FBXL18: variants seen among roughly 807,000 people sequenced by gnomAD.
FBXL18 encodes F-box and leucine rich repeat protein 18, also known as F-box/LRR-repeat protein 18.
FBXL18 carries 36 observed loss-of-function variants against 46.0 expected under a neutral mutation model. The ratio of observed to expected loss-of-function variants is 0.78; its 90% CI spans 0.60 to 1.03. The LOEUF is 1.03. Among genes scored for constraint, FBXL18 ranks in the 50% least tolerant of loss-of-function variants. The pLI is 0.00. For synonymous variants in FBXL18, 557 were observed against 465.3 expected, an observed-to-expected ratio of 1.20 and a Z score of -2.54; for missense variants, 977 against 1,004.1, an observed-to-expected ratio of 0.97 and a Z score of 0.36.
chr7:5,466,054 G>A (rs1783336033), intron 4 of FBXL18, among the ~76,000 whole-genome samples: 1 of 151,980 alleles, frequency 6.6e-6, no homozygotes, highest in South Asian at 2.1e-4. Context: ...CTAACCTCAG[G>A]TGATCTGCCT....
chr7:5,483,080 C>T (rs1255420064), intron 4 of FBXL18, among the ~76,000 whole-genome samples: 16 of 150,968 alleles, frequency 1.1e-4, no homozygotes, highest in Non-Finnish European at 1.9e-4. Flanking sequence ...AATACAAAGA[C>T]GACCCAAGTG....
At chr7:5,485,219 G>A (rs1469153195) in intron 4 of FBXL18, among the ~76,000 whole-genome samples, 2 of 152,200 alleles carry the variant, frequency 1.3e-5, no homozygotes, top group African/African-American at 4.8e-5. Context: ...GGTGATGTGA[G>A]AAGGTGCCAC....
Position 5,496,199 on chromosome 7 carries a change from G to C in FBXL18, c.1781+4289C>G, listed in dbSNP as rs1195255417. ...CTTCATCCATTAAGTGGGTACAACT[G>C]TGTCGACACTCAGAGGTTGTTGAGA... On this transcript the variant is annotated intron_variant, in intron 3 of 4. Coordinates refer to ENST00000382368, the MANE Select transcript of FBXL18 (RefSeq NM_024963.6). This position sits in a 1 kb window ranked among gnomAD's most constrained non-coding sequence, Gnocchi z 4.8. 6.6e-6 allele frequency among the ~76,000 whole-genome samples: 1 copy of C among 152,152 alleles called. No individual in the cohort carries two copies. The highest frequency in any genetic ancestry group is 1.5e-5 in the Non-Finnish European group (1 of 68,036).
Position 5,477,293 on chromosome 7 carries a change from A to G in FBXL18, c.*4482T>C, listed in dbSNP as rs1783538663. On this transcript the variant is annotated 3_prime_UTR_variant, in exon 5 of 5. Transcript: ENST00000382368. The surrounding 1 kb of genome is among the most constrained non-coding windows in gnomAD (Gnocchi z 4.4). ...GTGGTCAAGGCTACCAGGAACTGGC[A>G]GCAGCGCTCTGCCCACGTCCACAGG... Among the ~76,000 whole-genome samples, 1 of 152,190 alleles carries G rather than the reference A, an allele frequency of 6.6e-6. No individual in the cohort carries two copies. The highest frequency in any genetic ancestry group is 1.5e-5 in the Non-Finnish European group (1 of 68,040).
intron 4 of FBXL18, chr7:5,489,715 C>G (rs1473110278): frequency 8.8e-6 from 2 of 227,650 alleles, no homozygotes; most frequent in Non-Finnish European, 1.8e-5. Context: ...GGAGGCAGAG[C>G]TTGCAGCGAG....
At chr7:5,491,631 T>TC (rs1783929509) in intron 3 of FBXL18, among the ~76,000 whole-genome samples, 182 bp from the exon 4 acceptor site, 1 of 152,040 alleles carries the variant, frequency 6.6e-6, no homozygotes, top group African/African-American at 2.4e-5. Context: ...GCCCCCAGGG[T>TC]CCCCCTTGGA....
intron 1 of FBXL18, among the ~76,000 whole-genome samples, chr7:5,511,815 CTCCTACCTAGAA>C (rs1352154312): frequency 3.3e-5 from 5 of 150,998 alleles, no homozygotes; most frequent in African/African-American, 4.9e-5. Flanking sequence ...CAAAAAACAT[CTCCTACCTAGAA>C]CCCTAACCTG....
intron 1 of FBXL18, among the ~76,000 whole-genome samples, chr7:5,505,872 C>A (rs1005065121): frequency 6.6e-6 from 1 of 152,194 alleles, no homozygotes; most frequent in Non-Finnish European, 1.5e-5. Context: ...GTGTTTATTT[C>A]TTTTGTTGTG....
At chr7:5,490,246 C>G in intron 4 of FBXL18, 1 of 1,295,460 alleles carries the variant, frequency 7.7e-7, no homozygotes, top group Non-Finnish European at 1.0e-6. Context: ...GCGTTCATGT[C>G]CTGCTGCCCC....
downstream of FBXL18, among the ~76,000 whole-genome samples, chr7:5,472,142 T>C (rs1042098374): frequency 6.6e-6 from 1 of 152,022 alleles, no homozygotes; most frequent in African/African-American, 2.4e-5. Context: ...AAAACACAAG[T>C]TCCCCCAGAC....
intron 3 of FBXL18, among the ~76,000 whole-genome samples, chr7:5,497,728 C>A (rs1342555238): frequency 6.6e-6 from 1 of 152,162 alleles, no homozygotes. Flanking sequence ...CCGGTGTTTG[C>A]GAGAGACTCA....
intron 4 of FBXL18, chr7:5,489,695 C>T (rs553907802): frequency 6.1e-4 from 137 of 225,582 alleles, no homozygotes; most frequent in African/African-American, 2.6e-3. Flanking sequence ...AGGAGAATGT[C>T]GTGAACCCGG....
intron 3 of FBXL18, among the ~76,000 whole-genome samples, chr7:5,498,417 G>A (rs981048852): frequency 4.6e-5 from 7 of 152,014 alleles, no homozygotes; most frequent in Non-Finnish European, 1.0e-4. Flanking sequence ...TTAAAGGCTC[G>A]CCACATGGAC....
chr7:5,474,309 CG>C (rs1438985727), downstream of FBXL18, among the ~76,000 whole-genome samples: 3 of 117,580 alleles, frequency 2.6e-5, no homozygotes, highest in African/African-American at 3.6e-5. Context: ...CTGTGCAGTT[CG>C]TTTTTTTTTT....
rs552002078 is a variant in FBXL18, at chr7:5,463,728, A to ATTTTTTTTTTT, written c.2001-15896_2001-15886dup. 3.6e-4 allele frequency among the ~76,000 whole-genome samples: 19 copies of ATTTTTTTTTTT among 53,010 alleles called. 1 individual carries two copies. The highest frequency in any genetic ancestry group is 8.7e-4 in the Admixed American group (3 of 3,464). 34.8% of individuals were successfully genotyped at this position (53,010 alleles called of 152,430 possible). A position where few individuals can be genotyped will look rare whatever the true frequency, so the allele number is the denominator to read the frequency against. Reference sequence around the variant, plus strand: ...TATTTATTTATTTATTTATTTATTTATTTTTTTTTTTTTTTTTTTTTTTTT... The same window carrying ATTTTTTTTTTT: ...TATTTATTTATTTATTTATTTATTTATTTTTTTTTTTTTTTTTTTTTTTTTTTTTTTTTTTT... On this transcript the variant is annotated intron_variant and NMD_transcript_variant, in intron 4 of 6. Coordinates refer to the FBXL18 transcript ENST00000415009.
At chr7:5,499,428 C>A (rs1784170806) in intron 3 of FBXL18, among the ~76,000 whole-genome samples, 1 of 152,094 alleles carries the variant, frequency 6.6e-6, no homozygotes, top group Non-Finnish European at 1.5e-5. Context: ...TACTTACTGA[C>A]CCAGAAAGCA....
In FBXL18 at chr7:5,501,558, C is replaced by T. The variant is rs1290962979; in HGVS notation, c.711G>A (p.Leu237=). ...YQNLRVFYAR[L]APGYINQEVV... Reference sequence around the variant, plus strand: ...CCTCCTGGTTGATGTAGCCGGGGGCCAGGCGCGCATAGAAGACCCGCAGGT... The same window carrying T: ...CCTCCTGGTTGATGTAGCCGGGGGCTAGGCGCGCATAGAAGACCCGCAGGT... The change falls in exon 3 of 5, where the codon CTG becomes CTA. Residue 237 remains leucine (L), a synonymous_variant. Transcript: ENST00000382368. The T allele has an allele frequency of 3.1e-6, 5 of 1,613,806 alleles. No homozygotes were observed. The African/African-American group carries it at 6.7e-5, about 22-fold the overall frequency.
rs1156819660 is a variant in FBXL18 at position 5,455,398 on chromosome 7, G to A, written c.2001-7555C>T. On this transcript the variant is annotated intron_variant and NMD_transcript_variant, in intron 4 of 6. Coordinates refer to the FBXL18 transcript ENST00000415009. This position sits in a 1 kb window ranked among gnomAD's most constrained non-coding sequence, Gnocchi z 4.6. ...GAGCACCCTCAGGGAAGTACTCTAGGGAGTACTCTTGGGGAGCCTATCTGG... is the reference window on the plus strand; with the variant it reads ...GAGCACCCTCAGGGAAGTACTCTAGAGAGTACTCTTGGGGAGCCTATCTGG... Among the ~76,000 whole-genome samples, 1 of 152,004 alleles carries A rather than the reference G, an allele frequency of 6.6e-6. No homozygotes were observed. Among genetic ancestry groups the A allele is most frequent in the East Asian group, 1.9e-4 (1 of 5,184 alleles).
chr7:5,462,715 G>C (rs577709030), intron 4 of FBXL18, among the ~76,000 whole-genome samples: 1 of 151,784 alleles, frequency 6.6e-6, no homozygotes, highest in African/African-American at 2.4e-5. Flanking sequence ...ACTTTGGGAG[G>C]CCGAGGCGGA....
Sources: gnomAD v4.1 joint callset for allele counts (sites outside exome capture counted in the v4.1 genomes callset) on GRCh38, gnomAD v4.1.1 for gene constraint, Gnocchi (gnomAD v3.1) non-coding constraint, MANE v1.5 for transcripts, NCBI Gene and HGNC (gene_info 2026-07-23, HGNC 2026-07-21) for gene names.